Variants in CHD9 observed in about 807,000 individuals in gnomAD.
CHD9 encodes the protein chromodomain helicase DNA binding protein 9.
Under a neutral mutation model 316.1 loss-of-function variants are expected in CHD9, and 77 were observed. The ratio of observed to expected loss-of-function variants is 0.24; its 90% CI spans 0.20 to 0.29. The LOEUF (loss-of-function observed/expected upper bound fraction) is 0.29. Among genes scored for constraint, CHD9 ranks in the 10% least tolerant of loss-of-function variants. The pLI, the probability that CHD9 is intolerant of heterozygous loss-of-function variation, is 1.00. For missense variants in CHD9, 2,763 were observed against 3,438.1 expected, an observed-to-expected ratio of 0.80 and a Z score of 4.91; for synonymous variants, 1,129 against 1,158.3, an observed-to-expected ratio of 0.97 and a Z score of 0.51.
At chr16:53,310,680 T>C (rs2056386263) in intron 34 of CHD9, 1 of 149,406 alleles carries the variant, frequency 6.7e-6, no homozygotes, top group Admixed American at 6.7e-5. Flanking sequence ...AAACCCTGTC[T>C]GTACTAAATA....
chr16:53,055,686 A>T (rs948122755), intron 1 of CHD9, among the ~76,000 whole-genome samples: 4 of 152,152 alleles, frequency 2.6e-5, no homozygotes, highest in Admixed American at 1.3e-4. Flanking sequence ...CTATTCCTCC[A>T]GTTCGCCCTC....
At chr16:53,070,532 C>CCT (rs113097253) in intron 1 of CHD9, among the ~76,000 whole-genome samples, 273 of 20,474 alleles carry the variant, frequency 0.013, 2 homozygotes, top group African/African-American at 0.022. Flanking sequence ...TTCCTTCCTT[C>CCT]CTCTCTCTCT....
chr16:53,114,037 G>T (rs1224028903), intron 1 of CHD9, among the ~76,000 whole-genome samples: 2 of 151,320 alleles, frequency 1.3e-5, no homozygotes, highest in Admixed American at 1.3e-4. Flanking sequence ...GAGGAAAAGG[G>T]TTATTAATTA....
rs1389631064 is a variant in CHD9 at position 53,222,655 on chromosome 16, T to A, written c.1796T>A (p.Ile599Asn). The change falls in exon 4 of 39, where the codon ATT becomes AAT. Residue 599 changes from isoleucine to asparagine, a missense_variant. By Grantham distance (149) the Ile-to-Asn change is moderately radical. Transcript: ENST00000447540. ...KEKTKIGKLI[I>N]TLGKKQKRKN... ...TCCTCTTGAAACAGCAAACTCATTA[T>A]TACATTGGGTAAGAAACAAAAAAGA... The A allele has an allele frequency of 3.3e-6, 5 of 1,496,078 alleles. No individual in the cohort carries two copies. In the African/African-American group the frequency reaches 6.9e-5, roughly 21 times the overall value. The allele number at this position is 1,496,078 out of a possible 1,614,324, so 92.7% of individuals were successfully genotyped here.
At chr16:53,310,325 T>C (rs1164614204) in intron 34 of CHD9, among the ~76,000 whole-genome samples, 3 of 146,128 alleles carry the variant, frequency 2.1e-5, no homozygotes, top group Non-Finnish European at 3.0e-5. Flanking sequence ...AAAGGAGCCC[T>C]TTTTTTTTTT....
At chr16:53,067,835 G>A (rs994623011) in intron 1 of CHD9, among the ~76,000 whole-genome samples, 3 of 152,040 alleles carry the variant, frequency 2.0e-5, no homozygotes, top group Non-Finnish European at 2.9e-5. Context: ...TCACTGAGCA[G>A]CCCACACTAG....
intron 2 of CHD9, among the ~76,000 whole-genome samples, chr16:53,205,356 A>G (rs1463061667): frequency 1.3e-5 from 2 of 152,212 alleles, no homozygotes; most frequent in Admixed American, 1.3e-4. Context: ...AACATTTCCT[A>G]CATAACCACA....
intron 1 of CHD9, among the ~76,000 whole-genome samples, chr16:53,073,216 C>T (rs1227162332): frequency 2.0e-5 from 3 of 152,206 alleles, no homozygotes; most frequent in Non-Finnish European, 1.5e-5. Context: ...GTGCCTCATA[C>T]CAGTGGAATC....
chr16:53,275,436 A>G (rs762926367), intron 24 of CHD9, among the ~76,000 whole-genome samples: 1 of 152,188 alleles, frequency 6.6e-6, no homozygotes, highest in African/African-American at 2.4e-5. Flanking sequence ...ACAAAGACAA[A>G]ACACAGTCTT....
Position 53,297,145 on chromosome 16 carries a change from T to C in CHD9, c.5700T>C (p.Leu1900=). 6.2e-7 allele frequency: 1 copy of C among 1,613,108 alleles called. No individual in the cohort carries two copies. Among genetic ancestry groups the C allele is most frequent in the South Asian group, 1.1e-5 (1 of 90,974 alleles). ...CCATGTGTCGGAGGGTTTGTCGTCT[T>C]CCTTCCAAAGAAGGTATGTATAAAA... ...FMSMCRRVCR[L]PSKEELVDPN... is the part of the protein sequence containing the mutation. Residue 1900 remains leucine (L), a synonymous_variant, in exon 30 of 39, where the codon CTT becomes CTC. Coordinates refer to ENST00000447540, the MANE Select transcript of CHD9 (RefSeq NM_001308319.2).
At chr16:53,192,079 A>AC (rs2044523703) in intron 2 of CHD9, among the ~76,000 whole-genome samples, 1 of 151,896 alleles carries the variant, frequency 6.6e-6, no homozygotes, top group African/African-American at 2.4e-5. Context: ...AAAAAAAAAA[A>AC]AAAACAGTCA....
intron 2 of CHD9, among the ~76,000 whole-genome samples, chr16:53,167,999 T>C (rs1054657502): frequency 6.6e-6 from 1 of 152,080 alleles, no homozygotes; most frequent in Admixed American, 6.6e-5. Context: ...TTAAAAATAA[T>C]ATAGGAAACA....
At chr16:53,310,467 T>C (rs974272600) in intron 34 of CHD9, among the ~76,000 whole-genome samples, 1 of 152,226 alleles carries the variant, frequency 6.6e-6, no homozygotes, top group Non-Finnish European at 1.5e-5. Context: ...TTCTATTGCC[T>C]GAACATTTTA....
intron 1 of CHD9, among the ~76,000 whole-genome samples, chr16:53,138,813 T>C (rs1335125303): frequency 6.6e-6 from 1 of 152,108 alleles, no homozygotes; most frequent in African/African-American, 2.4e-5. Flanking sequence ...AACAAGTAAA[T>C]GGGTATTTAG....
chr16:53,232,010 A>G (rs1414102090), intron 10 of CHD9, among the ~76,000 whole-genome samples: 2 of 152,178 alleles, frequency 1.3e-5, no homozygotes, highest in Non-Finnish European at 2.9e-5. Context: ...GCCCTGATAA[A>G]CATGGAGATG....
intron 1 of CHD9, among the ~76,000 whole-genome samples, chr16:53,115,000 A>G (rs2038180565): frequency 6.6e-6 from 1 of 152,240 alleles, no homozygotes; most frequent in South Asian, 2.1e-4. Context: ...CTTTCTTCCA[A>G]GAAAGAAAAG....
chr16:53,198,559 C>T (rs1358243349), intron 2 of CHD9, among the ~76,000 whole-genome samples: 10 of 152,030 alleles, frequency 6.6e-5, no homozygotes, highest in Admixed American at 6.5e-4. Flanking sequence ...ATCTCCTGAC[C>T]TTGTGATCCG....
intron 1 of CHD9, among the ~76,000 whole-genome samples, chr16:53,106,657 T>TACACACAC (rs10538483): frequency 3.3e-5 from 5 of 150,602 alleles, no homozygotes; most frequent in African/African-American, 1.2e-4. Flanking sequence ...CACACATACA[T>TACACACAC]ACACACACAC....
At chr16:53,105,393 C>T (rs1300762842) in intron 1 of CHD9, among the ~76,000 whole-genome samples, 1 of 152,060 alleles carries the variant, frequency 6.6e-6, no homozygotes, top group Non-Finnish European at 1.5e-5. Flanking sequence ...TTTGTGGTAG[C>T]ATACACTTAT....
Sources: allele counts gnomAD v4.1 joint callset (sites outside exome capture counted in the v4.1 genomes callset), GRCh38; gene constraint gnomAD v4.1.1; transcripts MANE v1.5; gene names NCBI Gene and HGNC (gene_info 2026-07-23, HGNC 2026-07-21).